Variants in DCDC2 observed in about 807,000 individuals in gnomAD.
The protein encoded by DCDC2 is doublecortin domain-containing protein 2.
Under a neutral mutation model 50.2 loss-of-function variants are expected in DCDC2, and 40 were observed. That is an observed-to-expected ratio of 0.80 (90% CI 0.62 to 1.04). DCDC2 has a LOEUF of 1.04. DCDC2 is among the 50% of genes least tolerant of loss of function. The probability of loss-of-function intolerance (pLI) is 0.00; values close to 1 mark genes in which losing one functional copy is unlikely to be tolerated. For synonymous variants in DCDC2, 234 were observed against 210.6 expected, an observed-to-expected ratio of 1.11 and a Z score of -0.96; for missense variants, 570 against 581.9, an observed-to-expected ratio of 0.98 and a Z score of 0.21.
At chr6:24,206,651 A>AT (rs1357068384) in intron 7 of DCDC2, among the ~76,000 whole-genome samples, 4 of 152,220 alleles carry the variant, frequency 2.6e-5, no homozygotes, top group African/African-American at 9.6e-5. Flanking sequence ...GTTTAACTGT[A>AT]TCCAAGCGGA....
intron 7 of DCDC2, among the ~76,000 whole-genome samples, chr6:24,275,294 G>A (rs1003790299): frequency 2.6e-5 from 4 of 152,166 alleles, no homozygotes; most frequent in Non-Finnish European, 5.9e-5. Context: ...TGTAGTCAAA[G>A]ACATCTGCAG....
At chr6:24,362,042 G>C (rs1760673921), upstream of DCDC2, among the ~76,000 whole-genome samples, 1 of 152,186 alleles carries the variant, frequency 6.6e-6, no homozygotes, top group Non-Finnish European at 1.5e-5. Context: ...GCCATGAAAT[G>C]TGCAGTAGCA....
chr6:24,359,021 T>G (rs1760572005), upstream of DCDC2, among the ~76,000 whole-genome samples: 2 of 66,898 alleles, frequency 3.0e-5, no homozygotes, highest in Non-Finnish European at 4.8e-5. Context: ...TTATATATTT[T>G]ATATTTTATA....
At chr6:24,375,074 C>T in the DCDC2 span, among the ~76,000 whole-genome samples, 2 of 152,176 alleles carry the variant, frequency 1.3e-5, no homozygotes, top group African/African-American at 4.8e-5. Context: ...GAGAAGGCCC[C>T]ACTCTTCATC....
At chr6:24,246,218 A>G (rs992778770) in intron 7 of DCDC2, among the ~76,000 whole-genome samples, 16 of 152,186 alleles carry the variant, frequency 1.1e-4, no homozygotes, top group Non-Finnish European at 1.9e-4. Context: ...AATCCCATCA[A>G]GCCGAATTCT....
At chr6:24,324,239 G>T (rs573246244) in intron 2 of DCDC2, among the ~76,000 whole-genome samples, 1 of 152,024 alleles carries the variant, frequency 6.6e-6, no homozygotes, top group African/African-American at 2.4e-5. Flanking sequence ...TAAGAAGCTC[G>T]CAAAAAGTAA....
At chr6:24,218,325 T>C (rs58888029) in intron 7 of DCDC2, among the ~76,000 whole-genome samples, 1,720 of 152,302 alleles carry the variant, frequency 0.011, 33 homozygotes, top group African/African-American at 0.039. Flanking sequence ...GCCAGCATTT[T>C]TTTCACTTGG....
chr6:24,244,478 TA>T (rs1762629284), intron 7 of DCDC2, among the ~76,000 whole-genome samples: 1 of 152,186 alleles, frequency 6.6e-6, no homozygotes, highest in East Asian at 1.9e-4. Flanking sequence ...CTCTGGGGCC[TA>T]AGACTCTCCT....
intron 2 of DCDC2, among the ~76,000 whole-genome samples, chr6:24,308,366 G>T (rs807693): frequency 1 from 152,324 of 152,346 alleles, 76,151 homozygotes; most frequent in Middle Eastern, 1. Context: ...TAACTAAAAC[G>T]GCAGCCCAGC....
chr6:24,376,737 C>CAAAAAAAAAAAAA, the DCDC2 span, among the ~76,000 whole-genome samples: 1 of 46,770 alleles, frequency 2.1e-5, no homozygotes, highest in Admixed American at 2.9e-4. Context: ...CAGGTATATG[C>CAAAAAAAAAAAAA]AAAAAAAAAA....
chr6:24,336,479 T>C (rs1201538080), intron 2 of DCDC2, among the ~76,000 whole-genome samples: 1 of 152,178 alleles, frequency 6.6e-6, no homozygotes, highest in Non-Finnish European at 1.5e-5. Flanking sequence ...TGTGCTATTT[T>C]ATTTGCTGAA....
chr6:24,214,150 A>T (rs986358660), intron 7 of DCDC2, among the ~76,000 whole-genome samples: 1 of 152,200 alleles, frequency 6.6e-6, no homozygotes, highest in African/African-American at 2.4e-5. Flanking sequence ...GTAGTTTGAA[A>T]TATTTGGCTT....
chr6:24,275,200 C>G (rs1763325955), intron 7 of DCDC2, among the ~76,000 whole-genome samples: 1 of 152,024 alleles, frequency 6.6e-6, no homozygotes, highest in Non-Finnish European at 1.5e-5. Flanking sequence ...AAGTAAAAAG[C>G]AACTTCAATA....
chr6:24,187,253 C>G (rs965847300), intron 8 of DCDC2, among the ~76,000 whole-genome samples: 3 of 152,130 alleles, frequency 2.0e-5, no homozygotes, highest in African/African-American at 7.2e-5. Flanking sequence ...AAACCCAGAC[C>G]TTCCCAGACA....
At chr6:24,265,125 AC>A (rs1190372830) in intron 7 of DCDC2, among the ~76,000 whole-genome samples, 2 of 152,118 alleles carry the variant, frequency 1.3e-5, no homozygotes, top group Non-Finnish European at 2.9e-5. Context: ...ACATAGTGAA[AC>A]CTCATCTCTA....
intron 2 of DCDC2, among the ~76,000 whole-genome samples, chr6:24,322,732 A>G (rs1379460586): frequency 6.6e-6 from 1 of 152,180 alleles, no homozygotes; most frequent in Non-Finnish European, 1.5e-5. Context: ...AAATTTACCT[A>G]TAGCCTGGAA....
chr6:24,329,813 T>G (rs1051121454), intron 2 of DCDC2, among the ~76,000 whole-genome samples: 1 of 152,136 alleles, frequency 6.6e-6, no homozygotes, highest in Non-Finnish European at 1.5e-5. Context: ...AAGACATGAA[T>G]GAATAAAAAA....
chr6:24,357,793 G>C lies in DCDC2; in HGVS notation c.-43C>G. On this transcript the variant is annotated 5_prime_UTR_variant, in exon 1 of 10. Coordinates refer to ENST00000378454, the MANE Select transcript of DCDC2 (RefSeq NM_016356.5). ...GCCTCAGCTCGCTGCTTCGCGTCGG[G>C]AGGCACCTCCGCTGTCCCAGCGGCC... The C allele has an allele frequency of 6.2e-7, 1 of 1,611,778 alleles. No individual in the cohort carries two copies. The highest frequency in any genetic ancestry group is 2.2e-5 in the East Asian group (1 of 44,860).
intron 2 of DCDC2, among the ~76,000 whole-genome samples, chr6:24,305,236 T>C (rs1457583807): frequency 6.6e-6 from 1 of 152,226 alleles, no homozygotes; most frequent in Non-Finnish European, 1.5e-5. Flanking sequence ...AATCAAACCA[T>C]CTGTTTTAAA....
Sources: allele counts gnomAD v4.1 joint callset (sites outside exome capture counted in the v4.1 genomes callset), GRCh38; gene constraint gnomAD v4.1.1; transcripts MANE v1.5; gene names NCBI Gene and HGNC (gene_info 2026-07-23, HGNC 2026-07-21).